PELI2: variants seen among roughly 807,000 people sequenced by gnomAD.
The protein encoded by PELI2 is E3 ubiquitin-protein ligase pellino homolog 2.
In PELI2, 23 loss-of-function variants were observed where a neutral mutation model predicts 42.3. The observed-to-expected ratio is 0.54, with a 90% CI of 0.39 to 0.77. PELI2 has a LOEUF of 0.77. Ranked by LOEUF, PELI2 falls within the 30% of genes least tolerant of loss-of-function variation. PELI2 has a pLI of 0.00. For synonymous variants in PELI2, 245 were observed against 212.2 expected (o/e 1.15, Z -1.34); for missense variants, 463 against 553.2 (o/e 0.84, Z 1.64).
intron 2 of PELI2, among the ~76,000 whole-genome samples, chr14:56,203,463 G>A (rs1886408927): frequency 6.6e-6 from 1 of 152,098 alleles, no homozygotes; most frequent in African/African-American, 2.4e-5. Context: ...GTGTGTGTGT[G>A]TGTATGTGTG....
intron 2 of PELI2, among the ~76,000 whole-genome samples, chr14:56,198,459 T>C (rs756052990): frequency 1.3e-5 from 2 of 151,688 alleles, no homozygotes; most frequent in Non-Finnish European, 2.9e-5. Context: ...CAGACTGGAG[T>C]AGCTGACAAC....
intron 1 of PELI2, among the ~76,000 whole-genome samples, chr14:56,150,382 G>A (rs1295885682): frequency 1.3e-5 from 2 of 152,072 alleles, no homozygotes; most frequent in Admixed American, 6.5e-5. Flanking sequence ...ATGTAATCTC[G>A]TAACTGATCC....
At chr14:56,131,306 T>TAC (rs1439587446) in intron 1 of PELI2, among the ~76,000 whole-genome samples, 1 of 152,246 alleles carries the variant, frequency 6.6e-6, no homozygotes, top group Non-Finnish European at 1.5e-5. Flanking sequence ...GGCATAGCTT[T>TAC]ACACTGTATA....
At chr14:56,227,899 C>T (rs1180209540) in intron 2 of PELI2, among the ~76,000 whole-genome samples, 1 of 152,148 alleles carries the variant, frequency 6.6e-6, no homozygotes, top group African/African-American at 2.4e-5. Context: ...CAAATCTGGA[C>T]AGTATAAGCA....
rs1243304143 is a variant in PELI2 at position 56,301,085 on chromosome 14, T to C, written c.*3919T>C. The C allele has an allele frequency of 6.6e-6, 1 of 152,586 alleles. No homozygotes were observed. Among genetic ancestry groups the C allele is most frequent in the Non-Finnish European group, 1.5e-5 (1 of 68,026 alleles). 9.5% of individuals were successfully genotyped at this position (152,586 alleles called of 1,614,324 possible). On this transcript the variant is annotated 3_prime_UTR_variant, in exon 6 of 6. Transcript: ENST00000267460. ...GTTTCTTTTTAGCTGAGATGACAGA[T>C]TGCTTCTCTGTATTAAATAGTCTAG...
chr14:56,241,587 T>A (rs1418498417), intron 2 of PELI2, among the ~76,000 whole-genome samples: 1 of 152,152 alleles, frequency 6.6e-6, no homozygotes, highest in Non-Finnish European at 1.5e-5. Flanking sequence ...CGTGCCATTG[T>A]GGAGTATATA....
In PELI2 at chr14:56,241,351, A is replaced by G. The variant is rs577762239; in HGVS notation, c.208-38325A>G. Among the ~76,000 whole-genome samples the G allele has an allele frequency of 5.9e-5, 9 of 152,348 alleles. No individual in the cohort carries two copies. In the East Asian group the frequency reaches 1.2e-3, roughly 20 times the overall value. On this transcript the variant is annotated intron_variant, in intron 2 of 5. Transcript: ENST00000267460. ...GAATATTTGGGAAATTTGGGAATCAATTCAGGAAGTCTGACACCCAACTAA... is the reference window on the plus strand; with the variant it reads ...GAATATTTGGGAAATTTGGGAATCAGTTCAGGAAGTCTGACACCCAACTAA...
At chr14:56,253,756 G>A (rs1278381380) in intron 2 of PELI2, among the ~76,000 whole-genome samples, 2 of 152,084 alleles carry the variant, frequency 1.3e-5, no homozygotes, top group African/African-American at 2.4e-5. Context: ...ACTCAATATC[G>A]TGAAAATGGC....
chr14:56,232,166 A>G (rs913383160), intron 2 of PELI2, among the ~76,000 whole-genome samples: 1 of 152,162 alleles, frequency 6.6e-6, no homozygotes, highest in African/African-American at 2.4e-5. Context: ...TCACAGCCAG[A>G]TTCTACCAGA....
rs1172953310 is a variant in PELI2 at position 56,219,048 on chromosome 14, T to G, written c.207+40584T>G. ...AGCATGACCAGATCCATTTCCTGTT[T>G]TTTTCACATTTCTTTTTCTAAGAAT... is the stretch of plus-strand genomic sequence containing the variant. On this transcript the variant is annotated intron_variant, in intron 2 of 5. Transcript: ENST00000267460. This position sits in a 1 kb window ranked among gnomAD's most constrained non-coding sequence, Gnocchi z 4.1. Among the ~76,000 whole-genome samples, 1 of 152,190 alleles carries G rather than the reference T, an allele frequency of 6.6e-6. No homozygotes were observed. The highest frequency in any genetic ancestry group is 1.5e-5 in the Non-Finnish European group (1 of 68,042).
chr14:56,196,217 C>T (rs777903633), intron 2 of PELI2, among the ~76,000 whole-genome samples: 8 of 152,012 alleles, frequency 5.3e-5, no homozygotes, highest in African/African-American at 1.4e-4. Flanking sequence ...CTTAAAATAA[C>T]GATGTCTGTT....
At chr14:56,216,791 T>G (rs796501966) in intron 2 of PELI2, among the ~76,000 whole-genome samples, 7 of 152,362 alleles carry the variant, frequency 4.6e-5, no homozygotes, top group African/African-American at 1.7e-4. Context: ...AAAAAGCTAA[T>G]TCAGTTTCTT....
Position 56,118,431 on chromosome 14 carries a change from A to G in PELI2, c.-230A>G, listed in dbSNP as rs1407323769. 2 of 292,102 alleles carry G rather than the reference A, an allele frequency of 6.8e-6. No individual in the cohort carries two copies. The highest frequency in any genetic ancestry group is 1.3e-5 in the Non-Finnish European group (2 of 159,374). 18.1% of individuals were successfully genotyped at this position (292,102 alleles called of 1,614,324 possible). A position where few individuals can be genotyped will look rare whatever the true frequency, so the allele number is the denominator to read the frequency against. On this transcript the variant is annotated 5_prime_UTR_variant, in exon 1 of 6. Coordinates refer to ENST00000267460, the MANE Select transcript of PELI2 (RefSeq NM_021255.3). ...CGGGTCCCATTTGTTGCCGGCTCTG[A>G]CTCGGGGCGGCCGCGGCGCGCGGAG...
At chr14:56,159,178 A>G (rs762710958) in intron 1 of PELI2, among the ~76,000 whole-genome samples, 52 of 152,242 alleles carry the variant, frequency 3.4e-4, no homozygotes, top group Non-Finnish European at 6.2e-4. Context: ...CCCGAAACTC[A>G]GTGACTTAAA....
intron 2 of PELI2, among the ~76,000 whole-genome samples, chr14:56,212,885 T>C (rs1329014977): frequency 6.6e-6 from 1 of 152,116 alleles, no homozygotes; most frequent in Admixed American, 6.6e-5. Flanking sequence ...GGCTGAGACA[T>C]CAAACTAAAG....
intron 3 of PELI2, among the ~76,000 whole-genome samples, chr14:56,286,728 TG>T (rs1889656281): frequency 1.3e-5 from 2 of 152,210 alleles, no homozygotes; most frequent in African/African-American, 4.8e-5. Context: ...GACTTAGTTT[TG>T]TTTTTTTGTT....
intron 2 of PELI2, among the ~76,000 whole-genome samples, chr14:56,200,512 T>C (rs937114946): frequency 2.6e-5 from 4 of 152,192 alleles, no homozygotes; most frequent in African/African-American, 9.7e-5. Flanking sequence ...TTCGTTACCC[T>C]ATAGGGTACC....
At chr14:56,295,878 A>C (rs1889983180) in intron 5 of PELI2, among the ~76,000 whole-genome samples, 1 of 152,250 alleles carries the variant, frequency 6.6e-6, no homozygotes. Flanking sequence ...AAGTCTCAGC[A>C]GGATGGGGAA....
rs1035831588 is a variant in PELI2 at position 56,223,726 on chromosome 14, C to T, written c.207+45262C>T. On this transcript the variant is annotated intron_variant, in intron 2 of 5. Transcript: ENST00000267460. ...TCCATTGAGGGCCAAATGCAGATTT[C>T]AATACTGTGTTTAGTAACTCTCTGA... Among the ~76,000 whole-genome samples, 3 of 152,144 alleles carry T rather than the reference C, an allele frequency of 2.0e-5. No homozygotes were observed. The South Asian group carries it at 6.2e-4, about 32-fold the overall frequency.
Sources: gnomAD v4.1 joint callset for allele counts (sites outside exome capture counted in the v4.1 genomes callset) on GRCh38, gnomAD v4.1.1 for gene constraint, Gnocchi (gnomAD v3.1) non-coding constraint, MANE v1.5 for transcripts, NCBI Gene and HGNC (gene_info 2026-07-23, HGNC 2026-07-21) for gene names.